Variants in ADGRG1 observed in about 807,000 individuals in gnomAD.
The protein encoded by ADGRG1 is 7-transmembrane protein with no EGF-like N-terminal domains-1.
Under a neutral mutation model 73.5 loss-of-function variants are expected in ADGRG1, and 53 were observed. That is an observed-to-expected ratio of 0.72 (90% CI 0.58 to 0.91). The LOEUF is 0.91. ADGRG1 is among the 40% of genes least tolerant of loss of function. The probability of loss-of-function intolerance (pLI) is 0.00; values close to 1 mark genes in which losing one functional copy is unlikely to be tolerated. For missense variants in ADGRG1, 795 were observed against 871.8 expected (o/e 0.91, Z 1.11); for synonymous variants, 394 against 374.4 (o/e 1.05, Z -0.60).
upstream of ADGRG1, chr16:57,624,198 T>C: frequency 1.0e-6 from 1 of 982,246 alleles, no homozygotes; most frequent in Non-Finnish European, 1.2e-6. Context: ...TGCTCTTGTC[T>C]AAAAAATACC....
chr16:57,659,791 C>A, intron 11 of ADGRG1, 110 bp downstream of exon 11: 2 of 1,152,436 alleles, frequency 1.7e-6, no homozygotes, highest in Non-Finnish European at 2.5e-6. Context: ...TCCCTCCTGG[C>A]CTCCTTCACT....
Position 57,656,054 on chromosome 16 carries a change from C to A in ADGRG1, c.1017+62C>A, listed in dbSNP as rs530094414. 3.3e-5 allele frequency: 54 copies of A among 1,613,642 alleles called. 3 individuals carry two copies. In the South Asian group the frequency reaches 5.3e-4, roughly 16 times the overall value. On this transcript the variant is annotated intron_variant, in intron 7 of 13. Coordinates refer to ENST00000562631, the MANE Select transcript of ADGRG1 (RefSeq NM_201525.4). ...CTCGGCCATGTCACCCTTTCCTCTC[C>A]CTCCCTCCAGACTCATTTGTCTTTA...
intron 12 of ADGRG1, 44 bp downstream of exon 12, chr16:57,660,920 GCA>G: frequency 4.2e-6 from 5 of 1,177,508 alleles, no homozygotes; most frequent in Non-Finnish European, 6.4e-6. Context: ...GGGTCTCTGG[GCA>G]CAGAGGCCAG....
chr16:57,632,867 G>A, intron 1 of ADGRG1: 1 of 985,452 alleles, frequency 1.0e-6, no homozygotes, highest in East Asian at 1.1e-4. Flanking sequence ...CCAAGAGCCA[G>A]CCCAACCCTG....
chr16:57,660,439 C>T (rs1177990130), intron 11 of ADGRG1: 5 of 955,894 alleles, frequency 5.2e-6, no homozygotes, highest in South Asian at 4.8e-5. Context: ...GAACTCTTGC[C>T]GTCCCTCCTA....
At chr16:57,657,523 G>A in intron 10 of ADGRG1, 32 bp downstream of exon 10, 1 of 1,516,556 alleles carries the variant, frequency 6.6e-7, no homozygotes, top group South Asian at 1.1e-5. Flanking sequence ...ACAGGGGAGG[G>A]GACCCTCCAT....
At chr16:57,655,621 T>C (rs1490550977) in intron 6 of ADGRG1, 91 bp downstream of exon 6, 1 of 1,599,026 alleles carries the variant, frequency 6.3e-7, no homozygotes, top group African/African-American at 1.3e-5. Flanking sequence ...CTCCTTCCTC[T>C]GGGAGTCAAA....
At chr16:57,645,092 G>T (rs1196787719) in intron 1 of ADGRG1, 10 of 985,342 alleles carry the variant, frequency 1.0e-5, no homozygotes, top group South Asian at 4.7e-5. Flanking sequence ...TGTGTAACTC[G>T]CAGGAGTTCA....
intron 2 of ADGRG1, 44 bp from the exon 3 acceptor site, chr16:57,651,156 C>A: frequency 1.2e-6 from 2 of 1,612,246 alleles, no homozygotes; most frequent in South Asian, 2.2e-5. Flanking sequence ...TGCCTCTGGT[C>A]AGCCCCTGCC....
At chr16:57,644,025 C>T (rs1597321217) in intron 1 of ADGRG1, 3 of 985,252 alleles carry the variant, frequency 3.0e-6, no homozygotes, top group African/African-American at 1.7e-5. Context: ...GTTTGGAAAC[C>T]GTTGGAGGGA....
At chr16:57,650,406 G>A (rs931598388) in intron 2 of ADGRG1, 55 bp downstream of exon 2, 7 of 1,610,990 alleles carry the variant, frequency 4.3e-6, no homozygotes, top group Middle Eastern at 1.6e-4. Flanking sequence ...AAATGCCCCT[G>A]TGCCTAGGGT....
upstream of ADGRG1, chr16:57,624,089 G>A (rs2035384683): frequency 6.3e-6 from 3 of 472,914 alleles, no homozygotes; most frequent in African/African-American, 6.3e-5. Flanking sequence ...TAATAATGAT[G>A]TTGGCCAAGA....
upstream of ADGRG1, chr16:57,627,937 C>T (rs2036175126): frequency 2.1e-6 from 2 of 974,452 alleles, no homozygotes; most frequent in African/African-American, 1.8e-5. Context: ...GCCTCGGTTT[C>T]CCCTTTGGCT....
intron 1 of ADGRG1, chr16:57,632,230 T>A: frequency 1.0e-6 from 1 of 985,374 alleles, no homozygotes; most frequent in Non-Finnish European, 1.2e-6. Flanking sequence ...CATGCTCGTG[T>A]CTTGAACCCT....
chr16:57,647,817 T>C, intron 1 of ADGRG1: 2 of 972,122 alleles, frequency 2.1e-6, no homozygotes, highest in African/African-American at 1.8e-5. Flanking sequence ...CCCTTGTGTG[T>C]GTCTGGATTT....
At chr16:57,621,829 A>G in intron 2 of ADGRG1, 1 of 983,556 alleles carries the variant, frequency 1.0e-6, no homozygotes, top group Non-Finnish European at 1.2e-6. Flanking sequence ...AAGAGCAGCA[A>G]GTAGGATGGT....
At chr16:57,623,679 G>A (rs978688572), upstream of ADGRG1, 1 of 493,880 alleles carries the variant, frequency 2.0e-6, no homozygotes, top group Non-Finnish European at 2.6e-6. Context: ...CGGGCCTAGG[G>A]AACCAGACAC....
At chr16:57,647,743 G>A (rs1159046220) in intron 1 of ADGRG1, 2 of 973,334 alleles carry the variant, frequency 2.1e-6, no homozygotes, top group Admixed American at 1.2e-4. Context: ...GTCCACCTTG[G>A]AGTAGTTGTT....
intron 1 of ADGRG1, among the ~76,000 whole-genome samples, chr16:57,640,630 C>G: frequency 6.6e-6 from 1 of 152,332 alleles, no homozygotes; most frequent in African/African-American, 2.4e-5. Context: ...GAACTCAGTG[C>G]TTCTACTTCC....
Sources: gnomAD v4.1 joint callset for allele counts (sites outside exome capture counted in the v4.1 genomes callset) on GRCh38, gnomAD v4.1.1 for gene constraint, MANE v1.5 for transcripts, NCBI Gene and HGNC (gene_info 2026-07-23, HGNC 2026-07-21) for gene names.